SPTBN5: variants seen among roughly 807,000 people sequenced by gnomAD.
SPTBN5 encodes spectrin beta, non-erythrocytic 5.
In SPTBN5, 513 loss-of-function variants were observed where a neutral mutation model predicts 477.6. The observed-to-expected ratio is 1.07, with a 90% CI of 1.00 to 1.16. SPTBN5 has a LOEUF of 1.16. SPTBN5 is among the 50% of genes most tolerant of loss of function. The pLI, the probability that SPTBN5 is intolerant of heterozygous loss-of-function variation, is 0.00. For synonymous variants in SPTBN5, 2,169 were observed against 2,011.7 expected (o/e 1.08, Z -2.09); for missense variants, 5,062 against 4,731.8 (o/e 1.07, Z -2.05).
chr15:41,872,203 G>T, intron 27 of SPTBN5, 99 bp downstream of exon 27: 1 of 1,424,106 alleles, frequency 7.0e-7, no homozygotes, highest in Non-Finnish European at 9.5e-7. Flanking sequence ...TACAGCCTGG[G>T]GTCATGGGTT....
chr15:41,893,927 G>A lies in SPTBN5; in HGVS notation c.-78C>T, dbSNP rs1034235950. 1 of 228,236 alleles carries A rather than the reference G, an allele frequency of 4.4e-6. No individual in the cohort carries two copies. Among genetic ancestry groups the A allele is most frequent in the Non-Finnish European group, 8.8e-6 (1 of 114,166 alleles). 14.1% of individuals were successfully genotyped at this position (228,236 alleles called of 1,614,324 possible). Reference sequence around the variant, plus strand: ...GGTGATGCCTGGGTTCCACAGAGGCGGCCCAGCTGGACGGATGGAGATGGC... The same window carrying A: ...GGTGATGCCTGGGTTCCACAGAGGCAGCCCAGCTGGACGGATGGAGATGGC... On this transcript the variant is annotated 5_prime_UTR_variant, in exon 1 of 68. Transcript: ENST00000320955.
intron 45 of SPTBN5, 39 bp downstream of exon 45, chr15:41,861,696 G>T (rs779019862): frequency 1.3e-6 from 2 of 1,520,292 alleles, no homozygotes; most frequent in Admixed American, 4.1e-5. Flanking sequence ...GCCCTGTTCG[G>T]GGGGGCAAGA....
In SPTBN5 at chr15:41,857,459, C is replaced by G. The variant is rs1313597951; in HGVS notation, c.8400G>C (p.Glu2800Asp). Residue 2800 changes from glutamate (E) to aspartate (D), a missense_variant, in exon 51 of 68, where the codon GAG becomes GAC. Physicochemically the swap from Glu to Asp is conservative, Grantham distance 45. Coordinates refer to ENST00000320955, the MANE Select transcript of SPTBN5 (RefSeq NM_016642.4). ...CAACCTCGATGGGCTCCAGCCAGTT[C>G]TCCAGTTCCTCCATGCTCCGCCGCA... ...LRLRRSMEELENWLEPIEVEL... is the reference protein window; with the variant it reads ...LRLRRSMEELDNWLEPIEVEL... 6.2e-7 allele frequency: 1 copy of G among 1,608,700 alleles called. No homozygotes were observed. The highest frequency in any genetic ancestry group is 1.1e-5 in the South Asian group (1 of 90,190).
chr15:41,883,784 G>A (rs2067058808), intron 7 of SPTBN5, among the ~76,000 whole-genome samples: 1 of 150,636 alleles, frequency 6.6e-6, no homozygotes, highest in South Asian at 2.1e-4. Flanking sequence ...CAGGCGCCCA[G>A]ACTAAAATCT....
chr15:41,851,696 G>A, intron 63 of SPTBN5, 83 bp downstream of exon 63: 1 of 1,052,700 alleles, frequency 9.5e-7, no homozygotes, highest in Admixed American at 1.9e-5. Flanking sequence ...GTGCAAGGGT[G>A]CCAGGCCCAG....
chr15:41,848,943 C>T (rs1454650249), intron 67 of SPTBN5, among the ~76,000 whole-genome samples: 1 of 152,204 alleles, frequency 6.6e-6, no homozygotes, highest in Non-Finnish European at 1.5e-5. Flanking sequence ...AGGACAAGGC[C>T]TGTCCCGTCA....
intron 63 of SPTBN5, 77 bp from the exon 64 acceptor site, chr15:41,851,446 G>T: frequency 1.9e-6 from 2 of 1,070,990 alleles, no homozygotes; most frequent in Non-Finnish European, 2.8e-6. Context: ...GCCTCACCAT[G>T]TGTGTGGAGC....
chr15:41,861,746 G>T lies in SPTBN5; in HGVS notation c.7726C>A (p.Leu2576Met). The T allele has an allele frequency of 6.5e-7, 1 of 1,546,670 alleles. No homozygotes were observed. Among genetic ancestry groups the T allele is most frequent in the Admixed American group, 1.9e-5 (1 of 51,408 alleles). The stretch of plus-strand genomic sequence containing the variant: ...GGGACTGTGCCTGCCTGTAGCTCCA[G>T]GGCCTGCTGCAGCTGTAGCTGATGC... ...QEHQLQLQQA[L>M]ELQLFLSSVE... The change falls in exon 45 of 68, where the codon CTG becomes ATG. Residue 2576 changes from leucine (L) to methionine (M), a missense_variant. Leu to Met is a conservative substitution (Grantham distance 15). Transcript: ENST00000320955.
chr15:41,851,023 T>TG, intron 65 of SPTBN5, 36 bp downstream of exon 65: 1 of 1,600,626 alleles, frequency 6.2e-7, no homozygotes, highest in Non-Finnish European at 8.5e-7. Flanking sequence ...AGGTGGCTGC[T>TG]GGGGGTGATG....
chr15:41,854,203 G>T lies in SPTBN5; in HGVS notation c.9621C>A (p.Asn3207Lys), dbSNP rs201431158. Residue 3207 changes from asparagine to lysine, a missense_variant and splice_region_variant, in exon 57 of 68, where the codon AAC (asparagine) becomes AAA (lysine). Asn to Lys is a moderately conservative substitution (Grantham distance 94). Coordinates refer to ENST00000320955, the MANE Select transcript of SPTBN5 (RefSeq NM_016642.4). ...LDQAIKARTENLAAAHEVHSF... is the reference protein window; with the variant it reads ...LDQAIKARTEKLAAAHEVHSF... ...TGTGGACCTCATGGGCTGCAGCCAA[G>T]TTCTGGGAGAGGAGAAAGGACCTGC... The T allele has an allele frequency of 3.4e-4, 542 of 1,594,666 alleles. 8 individuals are homozygous for T. The South Asian group carries it at 5.0e-3, about 15-fold the overall frequency.
In SPTBN5 at chr15:41,869,088, C is replaced by G. The variant is rs542579405; in HGVS notation, c.5854-487G>C. 4.6e-5 allele frequency among the ~76,000 whole-genome samples: 7 copies of G among 152,282 alleles called. No individual in the cohort carries two copies. In the South Asian group the frequency reaches 1.4e-3, roughly 32 times the overall value. ...TTACAGTCTTCTGCTGATTTGTGTA[C>G]AACTATACAAGATTGGTGCTGGAGG... is the stretch of plus-strand genomic sequence containing the variant. On this transcript the variant is annotated intron_variant, in intron 32 of 67. Transcript: ENST00000320955.
rs192355836 is a variant in SPTBN5, at chr15:41,852,497, C to T, written c.10449+137G>A. The T allele has an allele frequency of 7.6e-4, 978 of 1,294,722 alleles. 7 individuals are homozygous for T. The African/African-American group carries it at 0.013, about 17-fold the overall frequency. The allele number at this position is 1,294,722 out of a possible 1,614,324, so 80.2% of individuals were successfully genotyped here. On this transcript the variant is annotated intron_variant, in intron 61 of 67. Transcript: ENST00000320955. Reference sequence around the variant, plus strand: ...CCAGTCCACAATGGTGCCTCTCCCACCACCGCAGCTGGCCAGGGAAAGGAG... The same window carrying T: ...CCAGTCCACAATGGTGCCTCTCCCATCACCGCAGCTGGCCAGGGAAAGGAG...
intron 67 of SPTBN5, 84 bp from the exon 68 acceptor site, chr15:41,848,712 TC>T (rs2140903649): frequency 1.3e-6 from 2 of 1,505,690 alleles, no homozygotes; most frequent in Non-Finnish European, 9.2e-7. Context: ...GCCCCTGCCC[TC>T]CCCTGGACCA....
chr15:41,886,045 C>T lies in SPTBN5; in HGVS notation c.1210G>A (p.Glu404Lys), dbSNP rs1456806223. ...TGGCTCCTTGCAGCCTCTGCCCACTCCAGCCCTGCCCAGCACTGGGACAGC... is the reference window on the plus strand; with the variant it reads ...TGGCTCCTTGCAGCCTCTGCCCACTTCAGCCCTGCCCAGCACTGGGACAGC... ...AELSQCWAGL[E>K]WAEAARSQAL... The change falls in exon 7 of 68, where the codon GAG (glutamate) becomes AAG (lysine). Residue 404 changes from glutamate to lysine, a missense_variant. Physicochemically the swap from Glu to Lys is moderately conservative, Grantham distance 56. Coordinates refer to ENST00000320955, the MANE Select transcript of SPTBN5 (RefSeq NM_016642.4). The T allele has an allele frequency of 3.2e-6, 5 of 1,579,146 alleles. No homozygotes were observed. In the African/African-American group the frequency reaches 5.4e-5, roughly 17 times the overall value.
intron 63 of SPTBN5, 115 bp from the exon 64 acceptor site, chr15:41,851,484 A>G: frequency 1.3e-6 from 1 of 777,402 alleles, no homozygotes; most frequent in East Asian, 2.7e-5. Context: ...GGATTGGACC[A>G]AAGTCCCAAT....
chr15:41,851,396 A>G (rs563887648), intron 63 of SPTBN5, 27 bp from the exon 64 acceptor site: 6 of 1,524,960 alleles, frequency 3.9e-6, no homozygotes, highest in African/African-American at 1.4e-5. Flanking sequence ...GGAAGGTCGC[A>G]TGAGCCACAC....
chr15:41,890,598 G>C (rs1201692), intron 3 of SPTBN5, among the ~76,000 whole-genome samples: 8,786 of 152,322 alleles, frequency 0.058, 853 homozygotes, highest in African/African-American at 0.2. Context: ...CCATCTCCCA[G>C]GGTGTCCTGG....
At chr15:41,863,644 GC>G (rs2140930553) in intron 41 of SPTBN5, 59 bp downstream of exon 41, 1 of 1,359,696 alleles carries the variant, frequency 7.4e-7, no homozygotes, top group South Asian at 1.2e-5. Flanking sequence ...TCTAGGCAGT[GC>G]CCCCTCCCCT....
Position 41,874,563 on chromosome 15 carries a change from C to CG in SPTBN5, c.4503-86dup, listed in dbSNP as rs1595486207. 7 of 1,193,782 alleles carry CG rather than the reference C, an allele frequency of 5.9e-6. No individual in the cohort carries two copies. The East Asian group carries it at 1.8e-4, about 30-fold the overall frequency. The allele number at this position is 1,193,782 out of a possible 1,614,324, so 73.9% of individuals were successfully genotyped here. A position where few individuals can be genotyped will look rare whatever the true frequency, so the allele number is the denominator to read the frequency against. ...TTCTTTCCTTGGCCAAGCCAGGGCC[C>CG]GTGAAGAACAAGACCAGGGAATAGA... On this transcript the variant is annotated intron_variant, in intron 23 of 67. Transcript: ENST00000320955.
Sources: allele counts gnomAD v4.1 joint callset (sites outside exome capture counted in the v4.1 genomes callset), GRCh38; gene constraint gnomAD v4.1.1; transcripts MANE v1.5; gene names NCBI Gene and HGNC (gene_info 2026-07-23, HGNC 2026-07-21).